The following LARGE1 variants were observed in gnomAD, a reference collection of about 807,000 sequenced individuals.
The protein encoded by LARGE1 is LARGE xylosyl- and glucuronyltransferase 1.
Under a neutral mutation model 87.6 loss-of-function variants are expected in LARGE1, and 43 were observed. That is an observed-to-expected ratio of 0.49 (90% CI 0.38 to 0.63). The LOEUF (loss-of-function observed/expected upper bound fraction) is 0.63, where lower values mean the gene tolerates loss of function less well. LARGE1 is among the 30% of genes least tolerant of loss of function. The pLI, the probability that LARGE1 is intolerant of heterozygous loss-of-function variation, is 0.00. For synonymous variants in LARGE1, 434 were observed against 394.6 expected (o/e 1.10, Z -1.18); for missense variants, 802 against 1,000.2 (o/e 0.80, Z 2.67).
At chr22:33,087,736 A>T in the LARGE1 span, among the ~76,000 whole-genome samples, 1 of 152,244 alleles carries the variant, frequency 6.6e-6, no homozygotes, top group East Asian at 1.9e-4. Flanking sequence ...GGAGTTTGAG[A>T]TCAGCCTGGT....
At chr22:33,729,942 G>T (rs2083400824) in intron 2 of LARGE1, among the ~76,000 whole-genome samples, 1 of 152,150 alleles carries the variant, frequency 6.6e-6, no homozygotes, top group Admixed American at 6.5e-5. Context: ...GGAAATGACA[G>T]AAGTCCCTGC....
In LARGE1 at chr22:33,256,350, A is replaced by G. The variant is rs187860868; in HGVS notation, c.1730+47879T>C. On this transcript the variant is annotated intron_variant, in intron 11 of 11. Transcript: ENST00000608642. Reference sequence around the variant, plus strand: ...ATAAACCGAAGCCGAAAGTTGCAGAAAAGTTGAAAAGAACACAGAGAGAAA... The same window carrying G: ...ATAAACCGAAGCCGAAAGTTGCAGAGAAGTTGAAAAGAACACAGAGAGAAA... Among the ~76,000 whole-genome samples the G allele has an allele frequency of 2.6e-5, 4 of 152,230 alleles. No homozygotes were observed. In the East Asian group the frequency reaches 7.7e-4, roughly 29 times the overall value.
At chr22:33,739,872 A>G (rs192267088) in intron 2 of LARGE1, among the ~76,000 whole-genome samples, 38 of 152,338 alleles carry the variant, frequency 2.5e-4, no homozygotes, top group Middle Eastern at 3.4e-3. Context: ...GGATGAGATG[A>G]GAGCACCTCA....
chr22:33,508,955 G>A (rs1157620038), intron 6 of LARGE1, among the ~76,000 whole-genome samples: 1 of 152,174 alleles, frequency 6.6e-6, no homozygotes, highest in African/African-American at 2.4e-5. Context: ...CTGGTGACAA[G>A]TGCTGGCAGT....
chr22:33,285,329 C>G (rs374770360), intron 12 of LARGE1, among the ~76,000 whole-genome samples: 1 of 152,074 alleles, frequency 6.6e-6, no homozygotes, highest in Admixed American at 6.6e-5. Context: ...CTTGGCCATA[C>G]AACTGTCCAT....
intron 11 of LARGE1, among the ~76,000 whole-genome samples, chr22:33,309,247 A>C (rs1312120188): frequency 6.6e-6 from 1 of 151,516 alleles, no homozygotes; most frequent in Non-Finnish European, 1.5e-5. Flanking sequence ...GCTCACTGCA[A>C]CCTCCACCTC....
chr22:33,600,738 T>A (rs1356970637), intron 5 of LARGE1, among the ~76,000 whole-genome samples: 1 of 152,118 alleles, frequency 6.6e-6, no homozygotes, highest in East Asian at 1.9e-4. Context: ...CGCAGAGAGA[T>A]GTGACTCGGT....
At chr22:33,668,668 G>A (rs1043213399) in intron 2 of LARGE1, among the ~76,000 whole-genome samples, 5 of 152,276 alleles carry the variant, frequency 3.3e-5, no homozygotes, top group Admixed American at 2.6e-4. Context: ...GTACGGAAGA[G>A]AGAGTGATTG....
chr22:33,118,806 A>C, the LARGE1 span, among the ~76,000 whole-genome samples: 685 of 152,340 alleles, frequency 4.5e-3, 5 homozygotes, highest in Middle Eastern at 0.017. Context: ...ATTGATCCTC[A>C]GAGGATCCAT....
chr22:33,571,888 T>C (rs936340653), intron 5 of LARGE1, among the ~76,000 whole-genome samples: 3 of 152,172 alleles, frequency 2.0e-5, no homozygotes, highest in Non-Finnish European at 4.4e-5. Context: ...TCTGATTTAC[T>C]GCAGGGTCAG....
chr22:33,292,624 C>T (rs1358263614), intron 12 of LARGE1, among the ~76,000 whole-genome samples: 1 of 152,084 alleles, frequency 6.6e-6, no homozygotes, highest in African/African-American at 2.4e-5. Flanking sequence ...AGCTGCTCCT[C>T]AATTCCAGCT....
At chr22:33,560,233 G>A (rs560924226) in intron 6 of LARGE1, among the ~76,000 whole-genome samples, 1 of 152,296 alleles carries the variant, frequency 6.6e-6, no homozygotes, top group East Asian at 1.9e-4. Context: ...AGGATTAAAT[G>A]AGTTTATCCA....
At chr22:33,741,970 A>G (rs1454785466) in intron 2 of LARGE1, among the ~76,000 whole-genome samples, 1 of 152,162 alleles carries the variant, frequency 6.6e-6, no homozygotes, top group Non-Finnish European at 1.5e-5. Context: ...CCACTCACAA[A>G]TGAGAACGTA....
At chr22:33,480,784 A>G (rs1341896061) in intron 6 of LARGE1, among the ~76,000 whole-genome samples, 1 of 152,216 alleles carries the variant, frequency 6.6e-6, no homozygotes, top group African/African-American at 2.4e-5. Flanking sequence ...ATGTGTTTAG[A>G]TATACAGATA....
At chr22:33,332,595 C>T (rs1304051040) in intron 10 of LARGE1, among the ~76,000 whole-genome samples, 1 of 152,172 alleles carries the variant, frequency 6.6e-6, no homozygotes, top group Non-Finnish European at 1.5e-5. Context: ...TTCAGACTCA[C>T]CACCATCTGT....
intron 1 of LARGE1, among the ~76,000 whole-genome samples, chr22:33,794,712 C>T (rs2085928114): frequency 6.6e-6 from 1 of 152,164 alleles, no homozygotes; most frequent in African/African-American, 2.4e-5. Context: ...CCTCCGCTCC[C>T]GGGTTCAAGC....
At chr22:33,540,608 A>C (rs920127537) in intron 6 of LARGE1, among the ~76,000 whole-genome samples, 34 of 152,170 alleles carry the variant, frequency 2.2e-4, no homozygotes, top group African/African-American at 8.0e-4. Flanking sequence ...TAGCCAGCAG[A>C]TCCTGGGATA....
chr22:33,777,294 C>T (rs906542527), intron 1 of LARGE1, among the ~76,000 whole-genome samples: 1 of 152,034 alleles, frequency 6.6e-6, no homozygotes, highest in Non-Finnish European at 1.5e-5. Context: ...TTCCACAGTC[C>T]CTAGGGAGCC....
rs370510210 is a variant in LARGE1, at chr22:33,443,622, T to A, written c.788-11357A>T. Among the ~76,000 whole-genome samples the A allele has an allele frequency of 1.5e-4, 23 of 152,266 alleles. No homozygotes were observed. In the East Asian group the frequency reaches 1.5e-3, roughly 10 times the overall value. ...ATGCAGAAAAGGGTATCCAGTCCAATAAAGGTCCAGATAATGATTTCTTCT... is the reference window on the plus strand; with the variant it reads ...ATGCAGAAAAGGGTATCCAGTCCAAAAAAGGTCCAGATAATGATTTCTTCT... On this transcript the variant is annotated intron_variant, in intron 6 of 14. Coordinates refer to ENST00000397394, the MANE Select transcript of LARGE1 (RefSeq NM_133642.5).
Sources: allele counts gnomAD v4.1 joint callset (sites outside exome capture counted in the v4.1 genomes callset), GRCh38; gene constraint gnomAD v4.1.1; transcripts MANE v1.5; gene names NCBI Gene and HGNC (gene_info 2026-07-23, HGNC 2026-07-21).